ASTN2: variants seen among roughly 807,000 people sequenced by gnomAD.
ASTN2 encodes the protein astrotactin-2.
In ASTN2, 54 loss-of-function variants were observed where a neutral mutation model predicts 139.8. The observed-to-expected ratio is 0.39, with a 90% CI of 0.31 to 0.48. The LOEUF (loss-of-function observed/expected upper bound fraction) is 0.48. Ranked by LOEUF, ASTN2 falls within the 20% of genes least tolerant of loss-of-function variation. ASTN2 has a pLI of 0.95. For missense variants in ASTN2, 1,565 were observed against 1,725.1 expected (o/e 0.91, Z 1.64); for synonymous variants, 756 against 719.5 (o/e 1.05, Z -0.81).
At chr9:116,538,209 A>C (rs1293083833) in intron 19 of ASTN2, among the ~76,000 whole-genome samples, 3 of 152,086 alleles carry the variant, frequency 2.0e-5, no homozygotes, top group Non-Finnish European at 2.9e-5. Flanking sequence ...GGAGGAAGGG[A>C]AAGAGGGAAG....
chr9:117,097,888 T>C (rs1291155363), intron 4 of ASTN2, among the ~76,000 whole-genome samples: 2 of 152,216 alleles, frequency 1.3e-5, no homozygotes, highest in African/African-American at 2.4e-5. Flanking sequence ...TCTAGCAACA[T>C]TGTTGCACAA....
intron 20 of ASTN2, 43 bp from the exon 21 acceptor site, chr9:116,442,596 C>T (rs1379152321): frequency 1.3e-6 from 2 of 1,538,978 alleles, no homozygotes; most frequent in East Asian, 2.2e-5. Context: ...TGTGACTTCA[C>T]AGAAGGCCCT....
chr9:116,601,289 T>C (rs1854884328), intron 19 of ASTN2, among the ~76,000 whole-genome samples: 1 of 152,216 alleles, frequency 6.6e-6, no homozygotes. Context: ...AGTTTTCATC[T>C]GGAAGTTAGA....
Position 117,214,605 on chromosome 9 carries a change from T to C in ASTN2, c.768A>G (p.Pro256=), listed in dbSNP as rs143227022. The C allele has an allele frequency of 5.6e-6, 9 of 1,597,804 alleles. No homozygotes were observed. Among genetic ancestry groups the C allele is most frequent in the Non-Finnish European group, 7.7e-6 (9 of 1,167,094 alleles). The change falls in exon 3 of 23, where the codon CCA becomes CCG. Residue 256 remains proline, a synonymous_variant. Transcript: ENST00000313400. The part of the protein sequence containing the change: ...TEATHEIHYI[P]SVLLGPQARE... ...GCGCCTGGGGACCCAGCAGCACAGA[T>C]GGGATGTAGTGGATCTCATGAGTGG... is the stretch of plus-strand genomic sequence containing the variant.
At chr9:117,194,952 G>C (rs1831454181) in intron 3 of ASTN2, among the ~76,000 whole-genome samples, 1 of 41,066 alleles carries the variant, frequency 2.4e-5, no homozygotes, top group Admixed American at 3.5e-4. Flanking sequence ...ATATCCATCA[G>C]TCCATTCATT....
intron 16 of ASTN2, among the ~76,000 whole-genome samples, chr9:116,716,923 T>A (rs1828326891): frequency 6.6e-6 from 1 of 152,186 alleles, no homozygotes; most frequent in African/African-American, 2.4e-5. Context: ...GGAGAGCAAA[T>A]GTTTACCTTT....
chr9:117,219,421 C>G (rs1011240421), intron 2 of ASTN2, among the ~76,000 whole-genome samples: 1 of 152,112 alleles, frequency 6.6e-6, no homozygotes, highest in African/African-American at 2.4e-5. Context: ...AGAAAAAGAC[C>G]TAGGAAGATG....
chr9:117,289,168 C>T (rs10983606), intron 2 of ASTN2, among the ~76,000 whole-genome samples: 57,426 of 151,914 alleles, frequency 0.38, 12,010 homozygotes, highest in East Asian at 0.57. Context: ...TGACTCTGTT[C>T]CCTGAGGGGA....
At chr9:117,371,516 A>G (rs1829989768) in intron 1 of ASTN2, among the ~76,000 whole-genome samples, 1 of 152,118 alleles carries the variant, frequency 6.6e-6, no homozygotes, top group African/African-American at 2.4e-5. Flanking sequence ...AGTTAAAAAC[A>G]CAAACTTAGG....
intron 10 of ASTN2, among the ~76,000 whole-genome samples, chr9:116,915,613 A>G (rs1426391668): frequency 1.3e-5 from 2 of 152,202 alleles, no homozygotes; most frequent in Non-Finnish European, 2.9e-5. Flanking sequence ...AATCTTGGCT[A>G]CATGATGAAG....
At chr9:116,727,519 T>G (rs1164655941) in intron 15 of ASTN2, among the ~76,000 whole-genome samples, 1 of 110,174 alleles carries the variant, frequency 9.1e-6, no homozygotes, top group African/African-American at 3.4e-5. Context: ...CAGTGTGGGG[T>G]GTGGGGGGCA....
intron 2 of ASTN2, among the ~76,000 whole-genome samples, chr9:117,263,146 T>C (rs1053046156): frequency 1.8e-4 from 27 of 152,326 alleles, no homozygotes; most frequent in African/African-American, 5.5e-4. Context: ...GAGCAAATTA[T>C]AGTTCGCCCA....
intron 3 of ASTN2, among the ~76,000 whole-genome samples, chr9:117,183,589 A>T (rs1588050890): frequency 6.6e-6 from 1 of 152,332 alleles, no homozygotes. Context: ...ATACATAGCT[A>T]GTAAGTATCA....
intron 12 of ASTN2, among the ~76,000 whole-genome samples, chr9:116,812,399 C>T (rs976424964): frequency 6.6e-6 from 1 of 152,088 alleles, no homozygotes; most frequent in African/African-American, 2.4e-5. Context: ...GGAAATGCAA[C>T]TTAGAAGCAG....
At chr9:116,430,050 C>T (rs1449690808) in intron 22 of ASTN2, among the ~76,000 whole-genome samples, 2 of 152,110 alleles carry the variant, frequency 1.3e-5, no homozygotes, top group South Asian at 2.1e-4. Context: ...AGGGATCAGA[C>T]CAGGCAGACT....
At chr9:116,600,933 C>A (rs73526188) in intron 19 of ASTN2, among the ~76,000 whole-genome samples, 3,710 of 151,950 alleles carry the variant, frequency 0.024, 144 homozygotes, top group African/African-American at 0.085. Context: ...ATGTGCCTGG[C>A]AATGTACTAG....
chr9:116,949,753 C>A (rs1409753563), intron 10 of ASTN2, among the ~76,000 whole-genome samples: 1 of 152,190 alleles, frequency 6.6e-6, no homozygotes, highest in Admixed American at 6.5e-5. Context: ...GTTATAGAGC[C>A]TTTATTGCTC....
chr9:116,444,596 C>T (rs1847931530), intron 20 of ASTN2, among the ~76,000 whole-genome samples: 1 of 152,106 alleles, frequency 6.6e-6, no homozygotes, highest in South Asian at 2.1e-4. Context: ...CTTTGACTTC[C>T]CATGACCTGA....
At chr9:116,827,597 T>A (rs114007694) in intron 11 of ASTN2, among the ~76,000 whole-genome samples, 10 of 152,244 alleles carry the variant, frequency 6.6e-5, no homozygotes, top group African/African-American at 2.2e-4. Context: ...GAGACTATTA[T>A]GAAGACTATT....
Sources: gnomAD v4.1 joint callset for allele counts (sites outside exome capture counted in the v4.1 genomes callset) on GRCh38, gnomAD v4.1.1 for gene constraint, MANE v1.5 for transcripts, NCBI Gene and HGNC (gene_info 2026-07-23, HGNC 2026-07-21) for gene names.